PBX3: variants seen among roughly 807,000 people sequenced by gnomAD.
PBX3 encodes PBX homeobox 3, also known as pre-B-cell leukemia transcription factor 3.
A neutral mutation model predicts 48.5 loss-of-function variants in PBX3; 14 were observed. The ratio of observed to expected loss-of-function variants is 0.29; its 90% CI spans 0.19 to 0.45. PBX3 has a LOEUF of 0.45. Among genes scored for constraint, PBX3 ranks in the 20% least tolerant of loss-of-function variants. The probability of loss-of-function intolerance (pLI) is 1.00; values close to 1 mark genes in which losing one functional copy is unlikely to be tolerated. For missense variants in PBX3, 386 were observed against 546.7 expected, an observed-to-expected ratio of 0.71 and a Z score of 2.93; for synonymous variants, 210 against 200.3, an observed-to-expected ratio of 1.05 and a Z score of -0.41.
intron 2 of PBX3, among the ~76,000 whole-genome samples, chr9:125,798,209 C>G (rs1022362485): frequency 6.6e-6 from 1 of 151,944 alleles, no homozygotes; most frequent in African/African-American, 2.4e-5. Flanking sequence ...TAGTAATTAC[C>G]CAGACAGCTT....
chr9:125,895,079 T>G (rs1840738857), intron 2 of PBX3, among the ~76,000 whole-genome samples: 1 of 152,132 alleles, frequency 6.6e-6, no homozygotes, highest in Non-Finnish European at 1.5e-5. Context: ...ATCATATAAT[T>G]CAGAGAAAAT....
chr9:125,953,476 CAAAA>C, intron 5 of PBX3, among the ~76,000 whole-genome samples: 3 of 144,912 alleles, frequency 2.1e-5, no homozygotes, highest in Admixed American at 2.1e-4. Flanking sequence ...GACCCTGTCT[CAAAA>C]AAAAAAAAAG....
At chr9:125,880,138 G>A (rs1361492808) in intron 2 of PBX3, among the ~76,000 whole-genome samples, 2 of 152,128 alleles carry the variant, frequency 1.3e-5, no homozygotes, top group Non-Finnish European at 2.9e-5. Flanking sequence ...TCCGCCTCCC[G>A]GGTTCAAGCA....
intron 5 of PBX3, among the ~76,000 whole-genome samples, chr9:125,950,169 C>T (rs189290015): frequency 7.9e-5 from 12 of 152,290 alleles, no homozygotes; most frequent in African/African-American, 2.2e-4. Context: ...CATCCATTTT[C>T]TATGTACTGT....
intron 2 of PBX3, among the ~76,000 whole-genome samples, chr9:125,775,038 T>A (rs940441888): frequency 3.3e-5 from 5 of 152,134 alleles, no homozygotes; most frequent in Admixed American, 3.3e-4. Flanking sequence ...AGCTAATTTT[T>A]GTATTTTTAA....
chr9:125,915,816 C>T lies in PBX3; in HGVS notation c.405C>T (p.Ala135=), dbSNP rs1369399289. 6 of 1,613,850 alleles carry T rather than the reference C, an allele frequency of 3.7e-6. No individual in the cohort carries two copies. The highest frequency in any genetic ancestry group is 2.2e-5 in the East Asian group (1 of 44,860). The part of the protein sequence containing the change: ...KGGGSAAAAA[A]AAASGGSSDN... ...GGGGATCGGCGGCAGCAGCTGCAGC[C>T]GCGGCAGCCTCTGGAGGTTCTTCAG... The change falls in exon 3 of 9, where the codon GCC becomes GCT. Residue 135 remains alanine (A), a synonymous_variant. Coordinates refer to ENST00000373489, the MANE Select transcript of PBX3 (RefSeq NM_006195.6).
At chr9:125,804,642 C>T (rs140692950) in intron 2 of PBX3, among the ~76,000 whole-genome samples, 2 of 151,890 alleles carry the variant, frequency 1.3e-5, no homozygotes, top group African/African-American at 4.8e-5. Flanking sequence ...TAAGGAAAAG[C>T]GCAATAAAGA....
intron 5 of PBX3, among the ~76,000 whole-genome samples, chr9:125,937,738 C>T (rs960511746): frequency 6.6e-6 from 1 of 152,164 alleles, no homozygotes; most frequent in African/African-American, 2.4e-5. Context: ...TCACAGCTCA[C>T]TGTAACTTTG....
intron 2 of PBX3, among the ~76,000 whole-genome samples, chr9:125,824,985 T>A (rs1227153745): frequency 1.3e-5 from 2 of 152,144 alleles, no homozygotes; most frequent in Admixed American, 6.6e-5. Flanking sequence ...ACATTTAAAA[T>A]TAAAAATAAT....
chr9:125,781,565 C>CAAGAGGG (rs1837314675), intron 2 of PBX3, among the ~76,000 whole-genome samples: 1 of 106,970 alleles, frequency 9.3e-6, no homozygotes, highest in Non-Finnish European at 1.9e-5. Flanking sequence ...AGGGGAGAGG[C>CAAGAGGG]GAGAGGGGAG....
intron 2 of PBX3, among the ~76,000 whole-genome samples, chr9:125,841,227 C>G (rs1322747628): frequency 6.6e-6 from 1 of 152,066 alleles, no homozygotes; most frequent in Non-Finnish European, 1.5e-5. Context: ...TTATCTAAAT[C>G]CTAAAAAGCC....
At chr9:125,823,617 C>T (rs1838720582) in intron 2 of PBX3, among the ~76,000 whole-genome samples, 1 of 151,588 alleles carries the variant, frequency 6.6e-6, no homozygotes, top group Admixed American at 6.6e-5. Context: ...GTGTTAGCTA[C>T]TTTGGATCAG....
intron 5 of PBX3, among the ~76,000 whole-genome samples, chr9:125,953,633 A>G (rs1842238557): frequency 6.6e-6 from 1 of 152,074 alleles, no homozygotes; most frequent in South Asian, 2.1e-4. Context: ...AACTGTATCT[A>G]CCTCCCTTAG....
chr9:125,771,387 A>T (rs528441282), intron 2 of PBX3, among the ~76,000 whole-genome samples: 4 of 152,302 alleles, frequency 2.6e-5, no homozygotes, highest in East Asian at 3.9e-4. Context: ...TTCAATGGTT[A>T]TTTAGCTAAA....
chr9:125,873,162 G>A (rs1299876214), intron 2 of PBX3, among the ~76,000 whole-genome samples: 1 of 152,130 alleles, frequency 6.6e-6, no homozygotes, highest in East Asian at 1.9e-4. Flanking sequence ...TCCAGCCTGG[G>A]CGACAGAGCG....
intron 2 of PBX3, among the ~76,000 whole-genome samples, chr9:125,845,435 CTG>C (rs2132242797): frequency 6.6e-6 from 1 of 152,194 alleles, no homozygotes; most frequent in South Asian, 2.1e-4. Flanking sequence ...CAAAGCAACT[CTG>C]TACTGTTGTA....
chr9:125,771,684 GA>G (rs1380404997), intron 2 of PBX3, among the ~76,000 whole-genome samples: 4 of 152,064 alleles, frequency 2.6e-5, no homozygotes, highest in Non-Finnish European at 5.9e-5. Flanking sequence ...TAATTTGTCT[GA>G]AAATATCTAG....
At chr9:125,842,768 A>G (rs891898252) in intron 2 of PBX3, among the ~76,000 whole-genome samples, 3 of 151,892 alleles carry the variant, frequency 2.0e-5, no homozygotes, top group Admixed American at 2.0e-4. Context: ...TTTGCCTCCT[A>G]CTTGATCTTT....
At chr9:125,920,201 G>A (rs977610314) in intron 3 of PBX3, among the ~76,000 whole-genome samples, 3 of 152,130 alleles carry the variant, frequency 2.0e-5, no homozygotes, top group South Asian at 2.1e-4. Flanking sequence ...ATAGTACTTC[G>A]TCTTGGGTAC....
Sources: allele counts gnomAD v4.1 joint callset (sites outside exome capture counted in the v4.1 genomes callset), GRCh38; gene constraint gnomAD v4.1.1; transcripts MANE v1.5; gene names NCBI Gene and HGNC (gene_info 2026-07-23, HGNC 2026-07-21).